Variants in LYRM1 observed in about 807,000 individuals in gnomAD.
LYRM1 encodes the protein LYR motif containing 1.
LYRM1 carries 14 observed loss-of-function variants against 14.9 expected under a neutral mutation model. The ratio of observed to expected loss-of-function variants is 0.94; its 90% confidence interval spans 0.62 to 1.47. The LOEUF is 1.47. Among genes scored for constraint, LYRM1 ranks in the 40% most tolerant of loss-of-function variants. The pLI is 0.00. For synonymous variants in LYRM1, 43 were observed against 56.2 expected, an observed-to-expected ratio of 0.77 and a Z score of 1.05; for missense variants, 153 against 149.9, an observed-to-expected ratio of 1.02 and a Z score of -0.11.
chr16:20,908,488 C>T (rs736240), intron 1 of LYRM1, among the ~76,000 whole-genome samples: 22,783 of 152,234 alleles, frequency 0.15, 2,358 homozygotes, highest in East Asian at 0.42. Flanking sequence ...CTATTGTTAG[C>T]TGTGTGACCT....
chr16:20,904,008 T>G (rs372913472), intron 1 of LYRM1, among the ~76,000 whole-genome samples: 1 of 152,028 alleles, frequency 6.6e-6, no homozygotes, highest in Non-Finnish European at 1.5e-5. Flanking sequence ...ATCTTTAGCA[T>G]TGGCCTTCAA....
At chr16:20,920,796 G>A (rs2083146904) in intron 3 of LYRM1, 1 of 152,888 alleles carries the variant, frequency 6.5e-6, no homozygotes, top group South Asian at 2.1e-4. Flanking sequence ...ACTGAGGTGG[G>A]AGAATTGCTT....
intron 1 of LYRM1, among the ~76,000 whole-genome samples, chr16:20,906,230 G>A (rs2082313883): frequency 6.6e-6 from 1 of 152,194 alleles, no homozygotes; most frequent in African/African-American, 2.4e-5. Flanking sequence ...CAGCCCCAGT[G>A]TGAAAAGGGC....
At chr16:20,906,443 C>T (rs948091655) in intron 1 of LYRM1, among the ~76,000 whole-genome samples, 2 of 152,184 alleles carry the variant, frequency 1.3e-5, no homozygotes, top group African/African-American at 4.8e-5. Flanking sequence ...AGAAATTTGA[C>T]TATACTACGG....
chr16:20,916,264 TGGTTTAA>T (rs2082891562), intron 2 of LYRM1, among the ~76,000 whole-genome samples: 8 of 152,116 alleles, frequency 5.3e-5, no homozygotes. Context: ...CTCCATTAGC[TGGTTTAA>T]GGGAACTGCA....
intron 1 of LYRM1, among the ~76,000 whole-genome samples, chr16:20,912,667 G>A (rs1434972983): frequency 6.6e-6 from 1 of 152,182 alleles, no homozygotes; most frequent in Non-Finnish European, 1.5e-5. Flanking sequence ...CTGAATTGCA[G>A]CACTGAGAAT....
At chr16:20,917,474 G>C (rs2082964347) in intron 2 of LYRM1, among the ~76,000 whole-genome samples, 1 of 151,704 alleles carries the variant, frequency 6.6e-6, no homozygotes, top group Admixed American at 6.6e-5. Flanking sequence ...AAGAGTAGGT[G>C]ATTGGCCAGG....
Sources: allele counts gnomAD v4.1 joint callset (sites outside exome capture counted in the v4.1 genomes callset), GRCh38; gene constraint gnomAD v4.1.1; transcripts MANE v1.5; gene names NCBI Gene and HGNC (gene_info 2026-07-23, HGNC 2026-07-21).